Variants in NT5DC3 observed in about 807,000 individuals in gnomAD.
The protein encoded by NT5DC3 is 5'-nucleotidase domain-containing protein 3.
Under a neutral mutation model 67.8 loss-of-function variants are expected in NT5DC3, and 42 were observed. That is an observed-to-expected ratio of 0.62 (90% confidence interval 0.48 to 0.80). The LOEUF (loss-of-function observed/expected upper bound fraction) is 0.80, where lower values mean the gene tolerates loss of function less well. Ranked by LOEUF, NT5DC3 falls within the 30% of genes least tolerant of loss-of-function variation. The pLI, the probability that NT5DC3 is intolerant of heterozygous loss-of-function variation, is 0.00. For missense variants in NT5DC3, 570 were observed against 696.4 expected, an observed-to-expected ratio of 0.82 and a Z score of 2.04; for synonymous variants, 237 against 255.6, an observed-to-expected ratio of 0.93 and a Z score of 0.69.
chr12:103,825,222 C>T (rs17034648), intron 1 of NT5DC3, among the ~76,000 whole-genome samples: 15,438 of 152,250 alleles, frequency 0.1, 1,119 homozygotes, highest in East Asian at 0.29. Context: ...ATCTGACTAA[C>T]TAATAATGCA....
chr12:103,790,089 T>C (rs182646237), intron 9 of NT5DC3, among the ~76,000 whole-genome samples: 1 of 151,528 alleles, frequency 6.6e-6, no homozygotes, highest in East Asian at 1.9e-4. Context: ...AACATCATCT[T>C]TTTTTTTTCC....
intron 11 of NT5DC3, among the ~76,000 whole-genome samples, chr12:103,786,568 T>C (rs1261638839): frequency 6.6e-6 from 1 of 152,076 alleles, no homozygotes; most frequent in Non-Finnish European, 1.5e-5. Flanking sequence ...AAAGAAGTGG[T>C]AGCTGATTTA....
At chr12:103,829,426 ATTTG>A (rs1414924267) in intron 1 of NT5DC3, among the ~76,000 whole-genome samples, 2 of 152,216 alleles carry the variant, frequency 1.3e-5, no homozygotes, top group Admixed American at 6.5e-5. Flanking sequence ...CCATTTCAAT[ATTTG>A]TTTGATATTT....
intron 6 of NT5DC3, among the ~76,000 whole-genome samples, chr12:103,796,362 C>T (rs545964546): frequency 6.6e-6 from 1 of 152,160 alleles, no homozygotes; most frequent in South Asian, 2.1e-4. Flanking sequence ...ATTAAAAATA[C>T]AAAAATTAGC....
chr12:103,827,394 C>T (rs532285848), intron 1 of NT5DC3, among the ~76,000 whole-genome samples: 2 of 152,268 alleles, frequency 1.3e-5, no homozygotes, highest in South Asian at 4.2e-4. Flanking sequence ...TGAGACTAAT[C>T]TATAAACCGA....
rs1226254672 is a variant in NT5DC3, at chr12:103,798,632, C to T, written c.570G>A (p.Glu190=). ...TCTGCTCCAAGGGCACGTGGGACCCCTCGTACATTTCAATGACTTCTTCAT... is the reference window on the plus strand; with the variant it reads ...TCTGCTCCAAGGGCACGTGGGACCCTTCGTACATTTCAATGACTTCTTCAT... ...VPDEEVIEMY[E]GSHVPLEQMS... is the part of the protein sequence containing the mutation. Residue 190 remains glutamate (E), a synonymous_variant, in exon 5 of 14, where the codon GAG becomes GAA. Transcript: ENST00000392876. The T allele has an allele frequency of 6.2e-7, 1 of 1,614,104 alleles. No homozygotes were observed. The highest frequency in any genetic ancestry group is 2.2e-5 in the East Asian group (1 of 44,886).
At chr12:103,813,837 T>G (rs554635490) in intron 2 of NT5DC3, among the ~76,000 whole-genome samples, 1 of 152,364 alleles carries the variant, frequency 6.6e-6, no homozygotes, top group African/African-American at 2.4e-5. Context: ...TATACAACAC[T>G]AGCCCATTAT....
At chr12:103,766,750 T>C (rs551356111), downstream of NT5DC3, 1 of 163,016 alleles carries the variant, frequency 6.1e-6, no homozygotes, top group East Asian at 1.8e-4. Context: ...GTTTTGGGAC[T>C]GCACCAGAGG....
intron 1 of NT5DC3, among the ~76,000 whole-genome samples, chr12:103,832,765 G>A (rs1887987298): frequency 6.6e-6 from 1 of 152,116 alleles, no homozygotes; most frequent in South Asian, 2.1e-4. Flanking sequence ...CCTCCATAAG[G>A]ATCATTGAGC....
the NT5DC3 span, chr12:103,757,783 G>A: frequency 4.4e-6 from 1 of 229,134 alleles, no homozygotes; most frequent in Non-Finnish European, 8.9e-6. Context: ...AGCTAGGCCT[G>A]GGGTCAGAGA....
chr12:103,778,472 A>C (rs1176731025), intron 13 of NT5DC3, among the ~76,000 whole-genome samples: 1 of 152,230 alleles, frequency 6.6e-6, no homozygotes, highest in Non-Finnish European at 1.5e-5. Flanking sequence ...CAGAGGGTGC[A>C]GTAAGCAGAG....
intron 8 of NT5DC3, 43 bp downstream of exon 8, chr12:103,793,367 A>G (rs528311677): frequency 1.6e-4 from 255 of 1,566,246 alleles, no homozygotes; most frequent in Admixed American, 2.8e-4. Context: ...ATGGGATACA[A>G]GGAGTGTGCC....
At chr12:103,749,582 T>C in the NT5DC3 span, among the ~76,000 whole-genome samples, 42,577 of 150,806 alleles carry the variant, frequency 0.28, 6,149 homozygotes, top group South Asian at 0.37. Context: ...GTAATCCCAG[T>C]ACTTTGGGAG....
At chr12:103,797,413 T>A (rs1886366441) in intron 5 of NT5DC3, among the ~76,000 whole-genome samples, 1 of 148,702 alleles carries the variant, frequency 6.7e-6, no homozygotes. Context: ...GAGGTTGCAA[T>A]GAGCGGAGAT....
In NT5DC3 at chr12:103,792,692, C is replaced by T. The variant is rs184828501; in HGVS notation, c.1019+472G>A. ...CTACAGTGGCAGGAAGATATTAAGA[C>T]GTAATAGAGATTTACTGCACGTGAT... On this transcript the variant is annotated intron_variant, in intron 9 of 13. Transcript: ENST00000392876. 3.3e-5 allele frequency among the ~76,000 whole-genome samples: 5 copies of T among 152,272 alleles called. No individual in the cohort carries two copies. In the East Asian group the frequency reaches 5.8e-4, roughly 18 times the overall value.
chr12:103,747,812 T>C, the NT5DC3 span, among the ~76,000 whole-genome samples: 1 of 152,134 alleles, frequency 6.6e-6, no homozygotes, highest in Non-Finnish European at 1.5e-5. Flanking sequence ...CTGGCCAACA[T>C]GGTGAAACCC....
At chr12:103,755,595 G>A in the NT5DC3 span, 6 of 1,614,004 alleles carry the variant, frequency 3.7e-6, no homozygotes, top group Non-Finnish European at 5.1e-6. Flanking sequence ...GGGACCCTGT[G>A]TGCCTCTGCC....
intron 1 of NT5DC3, among the ~76,000 whole-genome samples, chr12:103,834,120 G>C (rs1444514492): frequency 6.6e-6 from 1 of 151,922 alleles, no homozygotes; most frequent in Non-Finnish European, 1.5e-5. Context: ...GTGACAAAAA[G>C]GTCTCCAGGC....
chr12:103,757,823 G>A, the NT5DC3 span: 2,731 of 262,738 alleles, frequency 0.01, 27 homozygotes, highest in Non-Finnish European at 0.016. Context: ...TTTGGGCCTC[G>A]TGAGCTGTTA....
Sources: allele counts gnomAD v4.1 joint callset (sites outside exome capture counted in the v4.1 genomes callset), GRCh38; gene constraint gnomAD v4.1.1; transcripts MANE v1.5; gene names NCBI Gene and HGNC (gene_info 2026-07-23, HGNC 2026-07-21).